The following EXOC4 variants were observed in gnomAD, a reference collection of about 807,000 sequenced individuals.
The protein encoded by EXOC4 is exocyst complex component 4.
In EXOC4, 71 loss-of-function variants were observed where a neutral mutation model predicts 107.2. The observed-to-expected ratio is 0.66, with a 90% CI of 0.55 to 0.81. EXOC4 has a LOEUF of 0.81. Among genes scored for constraint, EXOC4 ranks in the 30% least tolerant of loss-of-function variants. The pLI is 0.00. For missense variants in EXOC4, 1,108 were observed against 1,189.6 expected (o/e 0.93, Z 1.01); for synonymous variants, 456 against 441.2 (o/e 1.03, Z -0.42).
intron 11 of EXOC4, among the ~76,000 whole-genome samples, chr7:133,840,786 CTT>C (rs1405021517): frequency 2.6e-5 from 4 of 152,056 alleles, no homozygotes; most frequent in African/African-American, 9.7e-5. Context: ...TGGCTGGAAA[CTT>C]TCATTTCCTT....
chr7:134,040,077 G>A (rs964224375), intron 17 of EXOC4, among the ~76,000 whole-genome samples: 1 of 152,084 alleles, frequency 6.6e-6, no homozygotes, highest in Non-Finnish European at 1.5e-5. Context: ...ACATAGACTT[G>A]TTGACTCTTT....
rs1021598282 is a variant in EXOC4, at chr7:133,841,073, G to A, written c.1734+23529G>A. Among the ~76,000 whole-genome samples, 6 of 152,272 alleles carry A rather than the reference G, an allele frequency of 3.9e-5. 2 individuals carry two copies. Among genetic ancestry groups the A allele is most frequent in the Admixed American group, 3.9e-4 (6 of 15,294 alleles). On this transcript the variant is annotated intron_variant, in intron 11 of 17. Coordinates refer to ENST00000253861, the MANE Select transcript of EXOC4 (RefSeq NM_021807.4). ...GGAGGTGGGGAAGTCCAAGATCAAA[G>A]TGCTGGCAGATTTGGTGTCTGATGA... is the stretch of plus-strand genomic sequence containing the variant.
intron 3 of EXOC4, among the ~76,000 whole-genome samples, chr7:133,298,219 A>G (rs976977769): frequency 1.3e-5 from 2 of 152,176 alleles, no homozygotes; most frequent in African/African-American, 2.4e-5. Context: ...ATATTCCTCT[A>G]TCATTCCTTT....
intron 5 of EXOC4, among the ~76,000 whole-genome samples, chr7:133,349,730 T>C (rs1230887861): frequency 1.3e-5 from 2 of 152,170 alleles, no homozygotes; most frequent in Non-Finnish European, 2.9e-5. Context: ...TTTAATTTTT[T>C]GAGGAACCGC....
intron 1 of EXOC4, among the ~76,000 whole-genome samples, chr7:133,262,722 C>T (rs1455127220): frequency 6.6e-6 from 1 of 152,022 alleles, no homozygotes; most frequent in East Asian, 1.9e-4. Flanking sequence ...AACAAGATTC[C>T]CAGGTGATTT....
chr7:133,722,214 C>A (rs1315361295), intron 10 of EXOC4, among the ~76,000 whole-genome samples: 1 of 152,166 alleles, frequency 6.6e-6, no homozygotes, highest in Non-Finnish European at 1.5e-5. Context: ...ACTGTTCTTT[C>A]ATTGCAATGA....
At position 133,356,493 on chromosome 7, in the gene EXOC4, A is replaced by C; in HGVS notation, c.927A>C (p.Gln309His). The C allele has an allele frequency of 6.2e-7, 1 of 1,614,132 alleles. No individual in the cohort carries two copies. Among genetic ancestry groups the C allele is most frequent in the Non-Finnish European group, 8.5e-7 (1 of 1,180,024 alleles). ...IIERLEQELK[Q>H]IVKRSTTQVA... is the part of the protein sequence containing the mutation. ...AGCGCTTGGAGCAGGAGTTGAAGCA[A>C]ATTGTGAAGAGGTCTACAACCCAGG... The change falls in exon 6 of 18, where the codon CAA (glutamine) becomes CAC (histidine). Residue 309 changes from glutamine to histidine, a missense_variant. By Grantham distance (24) the Gln-to-His change is conservative (BLOSUM62 0). Coordinates refer to ENST00000253861, the MANE Select transcript of EXOC4 (RefSeq NM_021807.4).
intron 10 of EXOC4, among the ~76,000 whole-genome samples, chr7:133,765,954 C>T (rs1302417124): frequency 1.3e-5 from 2 of 151,778 alleles, no homozygotes; most frequent in Non-Finnish European, 2.9e-5. Flanking sequence ...TGACTTTGTC[C>T]CTCCTAGCTT....
intron 7 of EXOC4, among the ~76,000 whole-genome samples, chr7:133,381,467 A>G (rs1427403522): frequency 2.6e-5 from 4 of 152,152 alleles, no homozygotes; most frequent in African/African-American, 7.2e-5. Flanking sequence ...GAGATGGGAA[A>G]TGGCACTCCA....
At chr7:133,665,956 A>T (rs571213985) in intron 10 of EXOC4, among the ~76,000 whole-genome samples, 30 of 152,306 alleles carry the variant, frequency 2.0e-4, no homozygotes, top group African/African-American at 7.2e-4. Flanking sequence ...TACTAAATTT[A>T]TACATTCTAG....
intron 10 of EXOC4, among the ~76,000 whole-genome samples, chr7:133,736,253 T>C (rs1795442912): frequency 6.6e-6 from 1 of 152,224 alleles, no homozygotes; most frequent in African/African-American, 2.4e-5. Flanking sequence ...TGTGTTCCTT[T>C]TCTCTACTTT....
intron 10 of EXOC4, among the ~76,000 whole-genome samples, chr7:133,814,075 T>C (rs1305396300): frequency 6.6e-6 from 1 of 152,220 alleles, no homozygotes; most frequent in Non-Finnish European, 1.5e-5. Flanking sequence ...ATTAACAGTT[T>C]TTAACAATCA....
intron 9 of EXOC4, among the ~76,000 whole-genome samples, chr7:133,527,496 C>T (rs756674282): frequency 1.9e-4 from 29 of 152,108 alleles, no homozygotes; most frequent in Admixed American, 3.3e-4. Context: ...CTAGAGCATA[C>T]AGTTAGAAAC....
chr7:133,953,751 T>A (rs576507218), intron 14 of EXOC4, among the ~76,000 whole-genome samples: 1 of 152,350 alleles, frequency 6.6e-6, no homozygotes, highest in East Asian at 1.9e-4. Context: ...GCTTACTGTC[T>A]TGTTCTCTAG....
At chr7:133,819,067 A>T (rs1472588324) in intron 11 of EXOC4, among the ~76,000 whole-genome samples, 4 of 152,064 alleles carry the variant, frequency 2.6e-5, no homozygotes, top group African/African-American at 4.8e-5. Flanking sequence ...CCATAACAGG[A>T]GATCCTGCCA....
At chr7:133,895,282 T>A (rs548813646) in intron 11 of EXOC4, 1 of 190,998 alleles carries the variant, frequency 5.2e-6, no homozygotes, top group Admixed American at 5.6e-5. Context: ...TCGCCCTGCT[T>A]CGGCTCGCGC....
At chr7:133,763,159 A>G (rs1796067909) in intron 10 of EXOC4, among the ~76,000 whole-genome samples, 1 of 152,134 alleles carries the variant, frequency 6.6e-6, no homozygotes, top group Non-Finnish European at 1.5e-5. Flanking sequence ...TATCCCAGTG[A>G]GTAAAACAAG....
At chr7:134,070,177 A>G (rs1334893944), downstream of EXOC4, among the ~76,000 whole-genome samples, 2 of 152,224 alleles carry the variant, frequency 1.3e-5, no homozygotes, top group East Asian at 1.9e-4. Flanking sequence ...AAGAAAACAT[A>G]AAGAATCACT....
chr7:133,308,496 C>A (rs1794802414), intron 4 of EXOC4, among the ~76,000 whole-genome samples: 1 of 152,064 alleles, frequency 6.6e-6, no homozygotes, highest in African/African-American at 2.4e-5. Context: ...CCAACTACGC[C>A]CACACCTTGA....
Sources: allele counts gnomAD v4.1 joint callset (sites outside exome capture counted in the v4.1 genomes callset), GRCh38; gene constraint gnomAD v4.1.1; transcripts MANE v1.5; gene names NCBI Gene and HGNC (gene_info 2026-07-23, HGNC 2026-07-21).